Variants in USP7 observed in about 807,000 individuals in gnomAD.
USP7 encodes the protein ubiquitin specific peptidase 7.
Under a neutral mutation model 162.9 loss-of-function variants are expected in USP7, and 9 were observed. That is an observed-to-expected ratio of 0.06 (90% CI 0.03 to 0.10). USP7 has a LOEUF of 0.10. USP7 is among the 10% of genes least tolerant of loss of function. The pLI is 1.00. For missense variants in USP7, 715 were observed against 1,373.7 expected (o/e 0.52, Z 7.58); for synonymous variants, 562 against 475.9 (o/e 1.18, Z -2.35).
chr16:8,900,735 T>C (rs867761184), intron 20 of USP7, 105 bp from the exon 21 acceptor site: 5 of 817,330 alleles, frequency 6.1e-6, no homozygotes, highest in Middle Eastern at 4.6e-4. Flanking sequence ...CCCAATTCTA[T>C]CCACCTTTTA....
chr16:8,916,584 T>C, intron 7 of USP7, 28 bp from the exon 8 acceptor site: 2 of 1,451,162 alleles, frequency 1.4e-6, no homozygotes, highest in Non-Finnish European at 9.0e-7. Context: ...AACAACTCCA[T>C]TTAAAGCTCA....
intron 1 of USP7, among the ~76,000 whole-genome samples, chr16:8,954,507 G>T (rs1439391172): frequency 6.6e-6 from 1 of 152,180 alleles, no homozygotes; most frequent in Non-Finnish European, 1.5e-5. Flanking sequence ...GGATTACCCT[G>T]TTAACCGTAA....
intron 16 of USP7, 135 bp downstream of exon 16, chr16:8,903,133 G>T: frequency 8.4e-7 from 1 of 1,193,382 alleles, no homozygotes; most frequent in Non-Finnish European, 1.2e-6. Context: ...AATGTTCCTG[G>T]GTCACACTCC....
chr16:8,938,078 G>C (rs987047069), intron 1 of USP7, among the ~76,000 whole-genome samples: 4 of 152,080 alleles, frequency 2.6e-5, no homozygotes, highest in African/African-American at 9.7e-5. Context: ...ACCAGACCAG[G>C]GTCACAGCTG....
chr16:8,945,595 C>T (rs1475680690), intron 1 of USP7, among the ~76,000 whole-genome samples: 1 of 152,102 alleles, frequency 6.6e-6, no homozygotes, highest in African/African-American at 2.4e-5. Context: ...ACATACCGTG[C>T]CCATGGAGTG....
rs182197327 is a variant in USP7, at chr16:8,921,821, G to A, written c.384-526C>T. Reference sequence around the variant, plus strand: ...CTGTACCTGCAGTGAAGTGTGGGGTGGACCACAAAAGGGCCTCTAGATCCA... The same window carrying A: ...CTGTACCTGCAGTGAAGTGTGGGGTAGACCACAAAAGGGCCTCTAGATCCA... On this transcript the variant is annotated intron_variant, in intron 3 of 30. Transcript: ENST00000344836. Among the ~76,000 whole-genome samples, 174 of 152,268 alleles carry A rather than the reference G, an allele frequency of 1.1e-3. No individual in the cohort carries two copies. The Middle Eastern group carries it at 0.014, about 12-fold the overall frequency.
intron 21 of USP7, 117 bp from the exon 22 acceptor site, chr16:8,899,874 T>C (rs1429830085): frequency 1.5e-6 from 2 of 1,290,676 alleles, no homozygotes; most frequent in African/African-American, 1.5e-5. Flanking sequence ...GCAAGATAAA[T>C]TCAGGTTCCC....
At chr16:8,919,282 G>C (rs958654276) in intron 5 of USP7, 143 bp from the exon 6 acceptor site, 1 of 757,160 alleles carries the variant, frequency 1.3e-6, no homozygotes, top group African/African-American at 1.7e-5. Context: ...AATGGTCACC[G>C]ATTCCCTTCT....
chr16:8,905,548 C>G (rs1823883223), intron 13 of USP7, among the ~76,000 whole-genome samples: 1 of 152,230 alleles, frequency 6.6e-6, no homozygotes, highest in Admixed American at 6.5e-5. Flanking sequence ...CCTTCGCAGT[C>G]CCCATTCAAC....
chr16:8,921,982 T>TCA (rs1290443089), intron 3 of USP7, among the ~76,000 whole-genome samples: 1 of 152,182 alleles, frequency 6.6e-6, no homozygotes, highest in Non-Finnish European at 1.5e-5. Flanking sequence ...GACAGTGCTG[T>TCA]TCCCACAGCA....
intron 10 of USP7, among the ~76,000 whole-genome samples, chr16:8,912,236 G>C (rs1346837835): frequency 6.6e-6 from 1 of 152,122 alleles, no homozygotes; most frequent in African/African-American, 2.4e-5. Context: ...TGGATCGCCT[G>C]AGGTCAGGAG....
intron 1 of USP7, chr16:8,936,476 A>G (rs1250146208): frequency 1.7e-5 from 20 of 1,184,218 alleles, no homozygotes; most frequent in Non-Finnish European, 2.2e-5. Flanking sequence ...TACAATGTCT[A>G]GATGTATAGC....
chr16:8,895,492 C>T, intron 27 of USP7, 150 bp downstream of exon 27: 1 of 762,022 alleles, frequency 1.3e-6, no homozygotes, highest in Non-Finnish European at 2.2e-6. Flanking sequence ...TGTGCAAAAA[C>T]ACTGTAGGTC....
Position 8,896,914 on chromosome 16 carries a change from T to TG in USP7, c.2819+84dup, listed in dbSNP as rs61490845. On this transcript the variant is annotated intron_variant, in intron 26 of 30. Coordinates refer to ENST00000344836, the MANE Select transcript of USP7 (RefSeq NM_003470.3). ...ATGACGCGCATGGATCCCAGCTGGG[T>TG]GATTTCCACCAACGCAACTGCAGAG... 3,029 of 1,024,864 alleles carry TG rather than the reference T, an allele frequency of 3.0e-3. 60 individuals carry two copies. The African/African-American group carries it at 0.041, about 14-fold the overall frequency. 63.5% of individuals were successfully genotyped at this position (1,024,864 alleles called of 1,614,324 possible).
chr16:8,929,741 T>C (rs1898210034), intron 2 of USP7, among the ~76,000 whole-genome samples: 1 of 152,170 alleles, frequency 6.6e-6, no homozygotes. Context: ...AAAAAACTGA[T>C]TTCCTACACA....
chr16:8,923,220 A>C lies in USP7; in HGVS notation c.378T>G (p.Asp126Glu). 1 of 237,308 alleles carries C rather than the reference A, an allele frequency of 4.2e-6. No individual in the cohort carries two copies. The highest frequency in any genetic ancestry group is 6.9e-6 in the Non-Finnish European group (1 of 145,726). The allele number at this position is 237,308 out of a possible 1,614,324, so 14.7% of individuals were successfully genotyped here. The change falls in exon 3 of 31, where the codon GAT (aspartate) becomes GAG (glutamate). Residue 126 changes from aspartate to glutamate, a missense_variant. By Grantham distance (45) the Asp-to-Glu change is conservative. This residue lies in a region of USP7 where 35 missense variants were observed against 101.0 expected (regional missense o/e 0.35). Transcript: ENST00000344836. ...GTAATGAAATACTGTCTTACGTGGA[A>C]TCAGATTCAGCATTGCACTGGAGAA... ...GFFLQCNAES[D>E]STSWSCHAQA...
rs1315919983 is a variant in USP7 at position 8,963,606 on chromosome 16, C to T, written c.-321G>A. The T allele has an allele frequency of 1.4e-5, 2 of 138,768 alleles. No homozygotes were observed. Among genetic ancestry groups the T allele is most frequent in the Non-Finnish European group, 3.2e-5 (2 of 63,216 alleles). 8.6% of individuals were successfully genotyped at this position (138,768 alleles called of 1,614,324 possible). A position where few individuals can be genotyped will look rare whatever the true frequency, so the allele number is the denominator to read the frequency against. On this transcript the variant is annotated 5_prime_UTR_variant, in exon 1 of 31. Coordinates refer to ENST00000344836, the MANE Select transcript of USP7 (RefSeq NM_003470.3). ...CGCCGCGGGGCCCGCCTCCCGCCGCCGGGGCCGGGGCCGGGGCTGCGGGGC... is the reference window on the plus strand; with the variant it reads ...CGCCGCGGGGCCCGCCTCCCGCCGCTGGGGCCGGGGCCGGGGCTGCGGGGC...
intron 25 of USP7, 118 bp downstream of exon 25, chr16:8,898,242 A>C: frequency 1.1e-6 from 1 of 875,944 alleles, no homozygotes; most frequent in Non-Finnish European, 1.8e-6. Context: ...AGCCCCCATC[A>C]TGTGCTGTTG....
At chr16:8,952,454 G>A (rs889663037) in intron 1 of USP7, among the ~76,000 whole-genome samples, 4 of 152,162 alleles carry the variant, frequency 2.6e-5, no homozygotes, top group African/African-American at 4.8e-5. Flanking sequence ...CAAGGTGCCA[G>A]CAGGGCCACA....
Sources: allele counts gnomAD v4.1 joint callset (sites outside exome capture counted in the v4.1 genomes callset), GRCh38; gene constraint gnomAD v4.1.1; regional missense constraint gnomAD v4.1.1; transcripts MANE v1.5; gene names NCBI Gene and HGNC (gene_info 2026-07-23, HGNC 2026-07-21).